The following FRK variants were observed in gnomAD, a reference collection of about 807,000 sequenced individuals.
FRK encodes tyrosine-protein kinase FRK.
FRK carries 51 observed loss-of-function variants against 56.4 expected under a neutral mutation model. That is an observed-to-expected ratio of 0.90 (90% CI 0.72 to 1.14). The LOEUF (loss-of-function observed/expected upper bound fraction) is 1.14. Among genes scored for constraint, FRK ranks in the 50% most tolerant of loss-of-function variants. The probability of loss-of-function intolerance (pLI) is 0.00; values close to 1 mark genes in which losing one functional copy is unlikely to be tolerated. For missense variants in FRK, 570 were observed against 601.4 expected (o/e 0.95, Z 0.55); for synonymous variants, 245 against 217.9 (o/e 1.12, Z -1.10).
rs543158731 is a variant in FRK at position 116,019,489 on chromosome 6, G to A, written c.345-15491C>T. Among the ~76,000 whole-genome samples the A allele has an allele frequency of 3.3e-5, 5 of 152,252 alleles. No individual in the cohort carries two copies. The East Asian group carries it at 5.8e-4, about 18-fold the overall frequency. On this transcript the variant is annotated intron_variant, in intron 1 of 7. Coordinates refer to ENST00000606080, the MANE Select transcript of FRK (RefSeq NM_002031.3). ...AATCAGATGATCACAATCCTATGAC[G>A]ACGATGACAATTATAACAATCATGT... is the stretch of plus-strand genomic sequence containing the variant.
At chr6:116,056,768 G>C (rs1051572710) in intron 1 of FRK, among the ~76,000 whole-genome samples, 1 of 152,142 alleles carries the variant, frequency 6.6e-6, no homozygotes, top group African/African-American at 2.4e-5. Context: ...TGAAGAAAAA[G>C]ACTCATCTCT....
intron 5 of FRK, among the ~76,000 whole-genome samples, chr6:115,948,339 T>C (rs1562250396): frequency 6.6e-6 from 1 of 152,204 alleles, no homozygotes; most frequent in Non-Finnish European, 1.5e-5. Flanking sequence ...AGCCTTCAGA[T>C]GACTGGGTAC....
chr6:116,038,663 T>TAGAATA (rs1776580354), intron 1 of FRK: 1 of 339,762 alleles, frequency 2.9e-6, no homozygotes. Context: ...TTTTTTAACA[T>TAGAATA]GATACCTTTT....
chr6:116,081,118 C>T, the FRK span, among the ~76,000 whole-genome samples: 1 of 152,172 alleles, frequency 6.6e-6, no homozygotes, highest in Non-Finnish European at 1.5e-5. Context: ...TTCACTATCT[C>T]GAGAACAGCA....
At chr6:116,035,311 G>A (rs367762403) in intron 1 of FRK, among the ~76,000 whole-genome samples, 154 of 152,164 alleles carry the variant, frequency 1.0e-3, no homozygotes, top group African/African-American at 3.5e-3. Context: ...TTAAGTTATA[G>A]TGGTGACCTC....
chr6:115,934,751 T>C lies in FRK; in HGVS notation c.*7663A>G, dbSNP rs1431509551. The C allele has an allele frequency of 6.6e-6, 1 of 152,222 alleles. No individual in the cohort carries two copies. The highest frequency in any genetic ancestry group is 2.4e-5 in the African/African-American group (1 of 41,464). The allele number at this position is 152,222 out of a possible 1,614,324, so 9.4% of individuals were successfully genotyped here. ...AATATTCTGCTTTCTCATGGCTTGT[T>C]TCATTCCTATTGCTTTACACTGGAA... On this transcript the variant is annotated 3_prime_UTR_variant, in exon 8 of 8. Transcript: ENST00000606080.
chr6:115,945,225 A>G (rs1772376819), intron 5 of FRK, among the ~76,000 whole-genome samples: 1 of 152,150 alleles, frequency 6.6e-6, no homozygotes, highest in African/African-American at 2.4e-5. Flanking sequence ...TTGGTTATAT[A>G]TCCAGTAATG....
intron 1 of FRK, among the ~76,000 whole-genome samples, chr6:116,010,751 A>T (rs1562284443): frequency 1.3e-5 from 2 of 152,246 alleles, no homozygotes; most frequent in African/African-American, 2.4e-5. Flanking sequence ...ATTAAGAAGA[A>T]TGCTGCATGT....
intron 1 of FRK, among the ~76,000 whole-genome samples, chr6:116,029,409 A>G (rs901296633): frequency 6.6e-6 from 1 of 152,156 alleles, no homozygotes; most frequent in African/African-American, 2.4e-5. Flanking sequence ...ATTAAGTGCT[A>G]TGAGAGATAC....
chr6:116,042,192 C>T (rs1776747741), intron 1 of FRK, among the ~76,000 whole-genome samples: 1 of 152,186 alleles, frequency 6.6e-6, no homozygotes, highest in Non-Finnish European at 1.5e-5. Flanking sequence ...CAGATGGCCT[C>T]TGTAGCTTCC....
chr6:116,063,841 A>T (rs192970703), upstream of FRK, among the ~76,000 whole-genome samples: 2,129 of 151,932 alleles, frequency 0.014, 39 homozygotes, highest in African/African-American at 0.048. Flanking sequence ...ATTTTTTTTT[A>T]AAAAAAGTAT....
the FRK span, among the ~76,000 whole-genome samples, chr6:116,071,466 T>G: frequency 0.2 from 29,874 of 152,150 alleles, 3,835 homozygotes; most frequent in Middle Eastern, 0.35. Flanking sequence ...ATTCTCCACT[T>G]TTGCCTCCAG....
Position 115,944,417 on chromosome 6 carries a change from C to T in FRK, c.967G>A (p.Gly323Arg). 6.2e-7 allele frequency: 1 copy of T among 1,603,880 alleles called. No individual in the cohort carries two copies. Among genetic ancestry groups the T allele is most frequent in the South Asian group, 1.1e-5 (1 of 88,916 alleles). ...TGTTGAGTCAGATGGATTTTTGATC[C>T]AGTGTCATCTAAGTAATAAGAGAAA... Reference protein sequence around the residue: ...SLQEYLQNDTGSKIHLTQQVD... With the variant: ...SLQEYLQNDTRSKIHLTQQVD... Residue 323 changes from glycine to arginine, a missense_variant, in exon 6 of 8, where the codon GGA (glycine) becomes AGA (arginine). Transcript: ENST00000606080.
At chr6:116,016,399 AT>A (rs2114724560) in intron 1 of FRK, among the ~76,000 whole-genome samples, 1 of 152,350 alleles carries the variant, frequency 6.6e-6, no homozygotes, top group South Asian at 2.1e-4. Flanking sequence ...TTCAGATTAT[AT>A]TAATGTATCA....
intron 4 of FRK, among the ~76,000 whole-genome samples, chr6:115,965,160 G>A (rs1296030660): frequency 1.4e-5 from 2 of 140,830 alleles, no homozygotes; most frequent in African/African-American, 5.3e-5. Flanking sequence ...TCTGACAAAG[G>A]GCTAATATCC....
chr6:116,059,208 A>AT (rs1193412198), intron 1 of FRK, among the ~76,000 whole-genome samples: 1 of 152,200 alleles, frequency 6.6e-6, no homozygotes, highest in African/African-American at 2.4e-5. Context: ...GAATAAGTAC[A>AT]TAAAAACTTT....
At chr6:116,026,536 GAGGAAAGA>G (rs1426545061) in intron 1 of FRK, among the ~76,000 whole-genome samples, 47 of 116,674 alleles carry the variant, frequency 4.0e-4, no homozygotes, top group Non-Finnish European at 8.0e-4. Context: ...GGGGGGAAGG[GAGGAAAGA>G]AGGAAGGAAG....
At position 115,944,232 on chromosome 6, in the gene FRK, A is replaced by C; in HGVS notation, c.1140+12T>G. 6.2e-7 allele frequency: 1 copy of C among 1,600,372 alleles called. No homozygotes were observed. The highest frequency in any genetic ancestry group is 8.5e-7 in the Non-Finnish European group (1 of 1,175,368). ...CTATTACAAAAACTAATTAAAACAA[A>C]ACTAAATCCACCTTAAAAACTCTGG... is the stretch of plus-strand genomic sequence containing the variant. On this transcript the variant is annotated intron_variant, in intron 6 of 7. Transcript: ENST00000606080.
chr6:115,948,951 T>C (rs1301639980), intron 5 of FRK, among the ~76,000 whole-genome samples: 2 of 152,160 alleles, frequency 1.3e-5, no homozygotes, highest in Admixed American at 6.5e-5. Context: ...AACTGTGAAG[T>C]AGGACTAATA....
Sources: gnomAD v4.1 joint callset for allele counts (sites outside exome capture counted in the v4.1 genomes callset) on GRCh38, gnomAD v4.1.1 for gene constraint, MANE v1.5 for transcripts, NCBI Gene and HGNC (gene_info 2026-07-23, HGNC 2026-07-21) for gene names.